The following ZCCHC10 variants were observed in gnomAD, a reference collection of about 807,000 sequenced individuals.
ZCCHC10 encodes the protein zinc finger CCHC-type containing 10.
In ZCCHC10, 16 loss-of-function variants were observed where a neutral mutation model predicts 19.5. The ratio of observed to expected loss-of-function variants is 0.82; its 90% CI spans 0.56 to 1.25. The LOEUF is 1.25. ZCCHC10 is among the 50% of genes most tolerant of loss of function. The pLI, the probability that ZCCHC10 is intolerant of heterozygous loss-of-function variation, is 0.00. For synonymous variants in ZCCHC10, 67 were observed against 72.5 expected (o/e 0.92, Z 0.38); for missense variants, 197 against 201.0 (o/e 0.98, Z 0.12).
chr5:133,024,439 T>C (rs1019518774), intron 1 of ZCCHC10, among the ~76,000 whole-genome samples: 3 of 152,174 alleles, frequency 2.0e-5, no homozygotes, highest in African/African-American at 4.8e-5. Context: ...AGAGAATAGA[T>C]AGGACCCTGG....
chr5:133,002,913 T>A (rs1762865759), intron 3 of ZCCHC10, among the ~76,000 whole-genome samples: 2 of 152,028 alleles, frequency 1.3e-5, no homozygotes, highest in South Asian at 4.2e-4. Flanking sequence ...AGAGATGGCG[T>A]TTCACCATGT....
At chr5:133,006,698 T>G (rs1015583846) in intron 3 of ZCCHC10, 61 bp downstream of exon 3, 1 of 1,471,670 alleles carries the variant, frequency 6.8e-7, no homozygotes, top group African/African-American at 1.4e-5. Flanking sequence ...CGTTTGGTCC[T>G]TTAATAAATT....
chr5:133,025,366 T>C (rs973330705), intron 1 of ZCCHC10, among the ~76,000 whole-genome samples: 1 of 151,116 alleles, frequency 6.6e-6, no homozygotes, highest in Non-Finnish European at 1.5e-5. Flanking sequence ...CAGCCGGGCA[T>C]GGTGGCGGGC....
intron 2 of ZCCHC10, among the ~76,000 whole-genome samples, chr5:133,008,142 G>A (rs936223784): frequency 1.3e-5 from 2 of 148,894 alleles, no homozygotes; most frequent in Non-Finnish European, 3.0e-5. Context: ...GGAGAATGGT[G>A]TGAACCTGGG....
Position 132,998,427 on chromosome 5 carries a change from ATATTCTC to A in ZCCHC10, c.*149_*155del. ...AGTCTCTCTCTATAAGCCATTATTA[ATATTCTC>A]TATGCTCTTACAATGTAAAACATTT... On this transcript the variant is annotated 3_prime_UTR_variant, in exon 5 of 5. Coordinates refer to ENST00000509437, the MANE Select transcript of ZCCHC10 (RefSeq NM_001300816.3). 1 of 646,304 alleles carries A rather than the reference ATATTCTC, an allele frequency of 1.5e-6. No individual in the cohort carries two copies. The highest frequency in any genetic ancestry group is 2.6e-6 in the Non-Finnish European group (1 of 384,724). The allele number at this position is 646,304 out of a possible 1,614,324, so 40.0% of individuals were successfully genotyped here. A position where few individuals can be genotyped will look rare whatever the true frequency, so the allele number is the denominator to read the frequency against.
chr5:133,002,366 TTTTA>T (rs1165669711), intron 3 of ZCCHC10, among the ~76,000 whole-genome samples: 1 of 152,074 alleles, frequency 6.6e-6, no homozygotes, highest in Non-Finnish European at 1.5e-5. Context: ...CAAAATAAAA[TTTTA>T]TTTATGTATT....
intron 3 of ZCCHC10, chr5:133,003,019 C>CT (rs1554082299): frequency 1.1e-5 from 2 of 176,244 alleles, no homozygotes; most frequent in South Asian, 1.3e-4. Context: ...CACGCCCGGC[C>CT]TTTTTTTAAG....
At position 133,022,720 on chromosome 5, in the gene ZCCHC10, G is replaced by A. The variant is rs1388396399; in HGVS notation, c.107+121C>T. The A allele has an allele frequency of 4.0e-5, 15 of 376,990 alleles. No individual in the cohort carries two copies. In the East Asian group the frequency reaches 5.5e-4, roughly 14 times the overall value. 23.4% of individuals were successfully genotyped at this position (376,990 alleles called of 1,614,324 possible). On this transcript the variant is annotated intron_variant, in intron 2 of 4. Coordinates refer to ENST00000509437, the MANE Select transcript of ZCCHC10 (RefSeq NM_001300816.3). ...CCTGCCTCAGCCTCCCAAAGTGCTGGGATTACAGGCATGAGCCACCACGCC... is the reference window on the plus strand; with the variant it reads ...CCTGCCTCAGCCTCCCAAAGTGCTGAGATTACAGGCATGAGCCACCACGCC...
Position 133,011,624 on chromosome 5 carries a change from T to TAAA in ZCCHC10, c.108-4707_108-4705dup, listed in dbSNP as rs1194165056. Among the ~76,000 whole-genome samples the TAAA allele has an allele frequency of 3.3e-3, 149 of 44,748 alleles. 2 individuals carry two copies. Among genetic ancestry groups the TAAA allele is most frequent in the Non-Finnish European group, 5.0e-3 (123 of 24,636 alleles). The allele number at this position is 44,748 out of a possible 152,430, so 29.4% of individuals were successfully genotyped here. ...CTGGGCAATACAGTGAGACTCCATC[T>TAAA]AAAAAAAAAAAAAAAAAAAAAAAAC... is the stretch of plus-strand genomic sequence containing the variant. On this transcript the variant is annotated intron_variant, in intron 2 of 4. Transcript: ENST00000509437.
chr5:133,013,412 C>A (rs1364344251), intron 2 of ZCCHC10, among the ~76,000 whole-genome samples: 1 of 152,026 alleles, frequency 6.6e-6, no homozygotes, highest in African/African-American at 2.4e-5. Context: ...CTAGTAATAG[C>A]AAATGTTAGC....
intron 3 of ZCCHC10, among the ~76,000 whole-genome samples, chr5:133,002,182 CG>C (rs1050730002): frequency 4.0e-5 from 6 of 151,398 alleles, no homozygotes; most frequent in Middle Eastern, 3.2e-3. Flanking sequence ...AGGATGGTCT[CG>C]ATCTCCTGAT....
At chr5:133,023,297 A>C (rs1423024854) in intron 1 of ZCCHC10, among the ~76,000 whole-genome samples, 2 of 152,108 alleles carry the variant, frequency 1.3e-5, no homozygotes, top group Admixed American at 1.3e-4. Flanking sequence ...TAATTTACTT[A>C]ATATAGGTAG....
At chr5:133,025,525 A>AAG (rs1554085681) in intron 1 of ZCCHC10, among the ~76,000 whole-genome samples, 25,101 of 124,682 alleles carry the variant, frequency 0.2, 3,992 homozygotes, top group African/African-American at 0.32. Flanking sequence ...AAAAAAAAAA[A>AAG]AAAAAAAAGA....
intron 3 of ZCCHC10, among the ~76,000 whole-genome samples, chr5:133,001,172 G>C (rs1006241985): frequency 6.6e-6 from 1 of 151,642 alleles, no homozygotes; most frequent in African/African-American, 2.4e-5. Flanking sequence ...CAGATCATTT[G>C]AGGTCAGGAG....
chr5:133,019,947 A>C (rs1443497466), intron 2 of ZCCHC10, among the ~76,000 whole-genome samples: 1 of 132,724 alleles, frequency 7.5e-6, no homozygotes, highest in East Asian at 2.2e-4. Context: ...GTGAGACTCC[A>C]GCTCAAAAAA....
chr5:133,025,593 T>C (rs1377961831), intron 1 of ZCCHC10, among the ~76,000 whole-genome samples: 1 of 149,732 alleles, frequency 6.7e-6, no homozygotes, highest in Non-Finnish European at 1.5e-5. Flanking sequence ...CTTCTGCCAC[T>C]CTCTCTTGTT....
chr5:133,020,210 A>G (rs1467364474), intron 2 of ZCCHC10, among the ~76,000 whole-genome samples: 1 of 151,698 alleles, frequency 6.6e-6, no homozygotes, highest in East Asian at 2.0e-4. Flanking sequence ...CACACTTGTA[A>G]TATCCCAGCA....
intron 3 of ZCCHC10, among the ~76,000 whole-genome samples, chr5:133,001,286 G>A (rs1033333317): frequency 6.6e-5 from 10 of 151,752 alleles, no homozygotes; most frequent in African/African-American, 2.2e-4. Context: ...AGCTACCCAG[G>A]AGACTGAGGC....
intron 1 of ZCCHC10, among the ~76,000 whole-genome samples, chr5:133,023,598 A>G (rs544283927): frequency 1.3e-4 from 20 of 152,038 alleles, no homozygotes; most frequent in African/African-American, 4.6e-4. Flanking sequence ...AACATGGAGA[A>G]ACCCCGTCTC....
Sources: allele counts gnomAD v4.1 joint callset (sites outside exome capture counted in the v4.1 genomes callset), GRCh38; gene constraint gnomAD v4.1.1; transcripts MANE v1.5; gene names NCBI Gene and HGNC (gene_info 2026-07-23, HGNC 2026-07-21).